STAU2: variants seen among roughly 807,000 people sequenced by gnomAD.
STAU2 encodes staufen double-stranded RNA binding protein 2, also known as double-stranded RNA-binding protein Staufen homolog 2.
In STAU2, 20 loss-of-function variants were observed where a neutral mutation model predicts 65.9. The ratio of observed to expected loss-of-function variants is 0.30; its 90% CI spans 0.21 to 0.44. The LOEUF is 0.44. Ranked by LOEUF, STAU2 falls within the 20% of genes least tolerant of loss-of-function variation. The pLI, the probability that STAU2 is intolerant of heterozygous loss-of-function variation, is 1.00. For missense variants in STAU2, 558 were observed against 683.9 expected (o/e 0.82, Z 2.05); for synonymous variants, 232 against 233.9 (o/e 0.99, Z 0.07).
At chr8:73,594,373 T>TA (rs763196447) in intron 11 of STAU2, among the ~76,000 whole-genome samples, 3 of 152,184 alleles carry the variant, frequency 2.0e-5, no homozygotes, top group African/African-American at 2.4e-5. Context: ...CTGTAGAAAC[T>TA]AAAAAAATCT....
intron 10 of STAU2, 131 bp downstream of exon 10, chr8:73,603,595 A>G: frequency 8.2e-7 from 1 of 1,221,772 alleles, no homozygotes; most frequent in Non-Finnish European, 1.1e-6. Flanking sequence ...GTGAGCCTGG[A>G]CAGAATGAAT....
intron 1 of STAU2, among the ~76,000 whole-genome samples, chr8:73,744,011 C>A (rs562076433): frequency 6.8e-6 from 1 of 146,504 alleles, no homozygotes; most frequent in East Asian, 2.1e-4. Context: ...ACCTCCTGAT[C>A]CACCTGCCTC....
chr8:73,651,143 G>A, intron 6 of STAU2: 2 of 1,281,716 alleles, frequency 1.6e-6, no homozygotes, highest in Non-Finnish European at 2.2e-6. Context: ...TCCCTGGGGA[G>A]CCTCCCTGGC....
intron 12 of STAU2, among the ~76,000 whole-genome samples, 169 bp downstream of exon 12, chr8:73,582,601 C>T (rs1810069750): frequency 6.6e-6 from 1 of 151,956 alleles, no homozygotes; most frequent in Admixed American, 6.6e-5. Flanking sequence ...TCTTAGTTTT[C>T]CAGCTATTCT....
At chr8:73,689,926 A>G (rs1819206970) in intron 4 of STAU2, among the ~76,000 whole-genome samples, 1 of 151,962 alleles carries the variant, frequency 6.6e-6, no homozygotes, top group Non-Finnish European at 1.5e-5. Context: ...CAGGGAAACA[A>G]CCAGAGAGAT....
chr8:73,555,241 A>G (rs557481293), intron 12 of STAU2, among the ~76,000 whole-genome samples: 7 of 152,322 alleles, frequency 4.6e-5, no homozygotes, highest in African/African-American at 1.7e-4. Context: ...CAGGAGGAAG[A>G]GGACTGAGAG....
intron 11 of STAU2, among the ~76,000 whole-genome samples, chr8:73,587,576 TG>T (rs1359041658): frequency 2.6e-5 from 4 of 152,216 alleles, no homozygotes; most frequent in Non-Finnish European, 4.4e-5. Context: ...TGTGCTTGAC[TG>T]GTAAAGACTT....
chr8:73,510,128 C>A (rs886205420), intron 13 of STAU2, among the ~76,000 whole-genome samples: 10 of 152,044 alleles, frequency 6.6e-5, no homozygotes, highest in African/African-American at 2.4e-4. Flanking sequence ...AGAGCAATGG[C>A]GTGATCTCGG....
At chr8:73,625,397 C>T (rs1813562478) in intron 6 of STAU2, among the ~76,000 whole-genome samples, 1 of 152,156 alleles carries the variant, frequency 6.6e-6, no homozygotes. Flanking sequence ...AGTATAATTA[C>T]ATGCTACAAC....
At chr8:73,636,842 G>A (rs1425405212) in intron 6 of STAU2, among the ~76,000 whole-genome samples, 5 of 148,342 alleles carry the variant, frequency 3.4e-5, no homozygotes, top group African/African-American at 1.2e-4. Flanking sequence ...CAGCCTGGGT[G>A]ACAGAGGAGA....
chr8:73,736,531 C>G (rs922387277), intron 3 of STAU2, among the ~76,000 whole-genome samples: 2 of 152,152 alleles, frequency 1.3e-5, no homozygotes, highest in African/African-American at 4.8e-5. Context: ...TGCAGTCAAG[C>G]AAGCCAAACC....
chr8:73,474,824 T>C (rs1021594512), intron 13 of STAU2, among the ~76,000 whole-genome samples: 31 of 152,266 alleles, frequency 2.0e-4, no homozygotes, highest in Middle Eastern at 6.8e-3. Context: ...GGTACACACG[T>C]TCACCAAAAG....
chr8:73,746,785 T>A lies in STAU2; in HGVS notation c.-199A>T, dbSNP rs1369122333. 4.1e-6 allele frequency: 5 copies of A among 1,231,110 alleles called. No individual in the cohort carries two copies. Among genetic ancestry groups the A allele is most frequent in the Non-Finnish European group, 5.1e-6 (5 of 986,408 alleles). 76.3% of individuals were successfully genotyped at this position (1,231,110 alleles called of 1,614,324 possible). The stretch of plus-strand genomic sequence containing the variant: ...ACGCCCCCGATGAGGGTATTTACCT[T>A]CTTGCCGGGGACACTTTGCAGACGG... On this transcript the variant is annotated splice_region_variant and 5_prime_UTR_variant, in exon 1 of 15. Transcript: ENST00000524300.
intron 13 of STAU2, among the ~76,000 whole-genome samples, chr8:73,488,447 G>T (rs1253160377): frequency 6.6e-6 from 1 of 151,912 alleles, no homozygotes; most frequent in Admixed American, 6.6e-5. Flanking sequence ...AAATAAAGCT[G>T]TAATAAATCG....
intron 6 of STAU2, among the ~76,000 whole-genome samples, chr8:73,644,552 G>T (rs918370937): frequency 4.0e-5 from 6 of 151,832 alleles, no homozygotes; most frequent in African/African-American, 1.5e-4. Context: ...CAAAGAACAA[G>T]AAGGGGAAAG....
intron 9 of STAU2, among the ~76,000 whole-genome samples, chr8:73,610,507 C>G (rs1586117061): frequency 6.9e-6 from 1 of 145,886 alleles, no homozygotes; most frequent in African/African-American, 2.5e-5. Context: ...CCACTGCACT[C>G]CAGCTTGGGA....
intron 13 of STAU2, among the ~76,000 whole-genome samples, chr8:73,475,939 A>G (rs959713221): frequency 1.3e-5 from 2 of 152,236 alleles, no homozygotes; most frequent in African/African-American, 4.8e-5. Flanking sequence ...TTGACAATGT[A>G]ATGACACTAA....
chr8:73,592,267 AAGTG>A (rs959593580), intron 11 of STAU2, among the ~76,000 whole-genome samples: 37 of 152,216 alleles, frequency 2.4e-4, no homozygotes, highest in Admixed American at 7.2e-4. Context: ...TCAGAAATGA[AAGTG>A]AGTATCATTA....
Position 73,582,813 on chromosome 8 carries a change from T to C in STAU2, c.1179A>G (p.Gly393=). The change falls in exon 12 of 15, where the codon GGA becomes GGG. Residue 393 remains glycine (G), a synonymous_variant. Transcript: ENST00000524300. ...DQLEKTGENK[G]WSGPKPGFPE... ...GAAACCCAGGCTTTGGACCACTCCA[T>C]CCTTTGTTTTCCCCTGTCTGAAAGA... The C allele has an allele frequency of 1.9e-6, 3 of 1,612,138 alleles. No homozygotes were observed. The highest frequency in any genetic ancestry group is 2.5e-6 in the Non-Finnish European group (3 of 1,178,712).
Sources: allele counts gnomAD v4.1 joint callset (sites outside exome capture counted in the v4.1 genomes callset), GRCh38; gene constraint gnomAD v4.1.1; transcripts MANE v1.5; gene names NCBI Gene and HGNC (gene_info 2026-07-23, HGNC 2026-07-21).